TMEM231: variants seen among roughly 807,000 people sequenced by gnomAD.
TMEM231 encodes transmembrane protein 231.
In TMEM231, 40 loss-of-function variants were observed where a neutral mutation model predicts 38.5. That is an observed-to-expected ratio of 1.04 (90% CI 0.81 to 1.35). TMEM231 has a LOEUF of 1.35. Among genes scored for constraint, TMEM231 ranks in the 40% most tolerant of loss-of-function variants. TMEM231 has a pLI of 0.00. For missense variants in TMEM231, 420 were observed against 416.9 expected (o/e 1.01, Z -0.07); for synonymous variants, 199 against 181.7 (o/e 1.10, Z -0.77).
Position 75,539,760 on chromosome 16 carries a change from A to G in TMEM231, c.*234T>C, listed in dbSNP as rs1430409942. 2 of 389,898 alleles carry G rather than the reference A, an allele frequency of 5.1e-6. No homozygotes were observed. The highest frequency in any genetic ancestry group is 8.8e-5 in the Admixed American group (2 of 22,688). The allele number at this position is 389,898 out of a possible 1,614,324, so 24.2% of individuals were successfully genotyped here. A position where few individuals can be genotyped will look rare whatever the true frequency, so the allele number is the denominator to read the frequency against. ...GCAAAGAAGGAAAACCCAAAAAGCT[A>G]ATTATAGCCTCCAGGAACTCTCAGA... On this transcript the variant is annotated 3_prime_UTR_variant, in exon 7 of 7. Coordinates refer to ENST00000258173, the MANE Select transcript of TMEM231 (RefSeq NM_001077418.3).
At position 75,555,905 on chromosome 16, in the gene TMEM231, C is replaced by A; in HGVS notation, c.208G>T (p.Val70Leu). Residue 70 changes from valine (V) to leucine (L), a missense_variant, in exon 2 of 7, where the codon GTG becomes TTG. Coordinates refer to ENST00000258173, the MANE Select transcript of TMEM231 (RefSeq NM_001077418.3). ...TVRFQHQVLL[V>L]ALLGPESDGF... ...TCGCTTTCGGGTCCGAGCAGGGCCA[C>A]GAGCAGCACCTGGTGTTGGAAGCGC... 2 of 1,600,680 alleles carry A rather than the reference C, an allele frequency of 1.2e-6. No individual in the cohort carries two copies. Among genetic ancestry groups the A allele is most frequent in the Non-Finnish European group, 1.7e-6 (2 of 1,174,222 alleles).
chr16:75,554,298 C>G (rs1031742519), intron 2 of TMEM231, among the ~76,000 whole-genome samples: 4 of 152,140 alleles, frequency 2.6e-5, no homozygotes, highest in African/African-American at 9.7e-5. Context: ...GGCACAGTGG[C>G]TGACACCTAT....
intron 2 of TMEM231, 92 bp downstream of exon 2, chr16:75,555,712 A>C: frequency 7.5e-7 from 1 of 1,337,032 alleles, no homozygotes; most frequent in Non-Finnish European, 9.8e-7. Context: ...TGGGCTCCCC[A>C]GGGCCGGGGC....
Position 75,541,178 on chromosome 16 carries a change from T to TG in TMEM231, c.770+171_770+172insC, listed in dbSNP as rs2080622796. ...ACACATGTACGCCACTATGCCTGGC[T>TG]AATTTTTTTTTTTTTTTTTTTGGTA... On this transcript the variant is annotated intron_variant, in intron 6 of 6. Transcript: ENST00000258173. 2.4e-5 allele frequency among the ~76,000 whole-genome samples: 3 copies of TG among 125,996 alleles called. No individual in the cohort carries two copies. In the South Asian group the frequency reaches 8.0e-4, roughly 34 times the overall value. 82.7% of individuals were successfully genotyped at this position (125,996 alleles called of 152,430 possible).
chr16:75,539,919 A>C lies in TMEM231; in HGVS notation c.*75T>G. 1 of 1,371,462 alleles carries C rather than the reference A, an allele frequency of 7.3e-7. No individual in the cohort carries two copies. The highest frequency in any genetic ancestry group is 9.9e-7 in the Non-Finnish European group (1 of 1,013,492). The allele number at this position is 1,371,462 out of a possible 1,614,324, so 85.0% of individuals were successfully genotyped here. A position where few individuals can be genotyped will look rare whatever the true frequency, so the allele number is the denominator to read the frequency against. On this transcript the variant is annotated 3_prime_UTR_variant, in exon 7 of 7. Coordinates refer to ENST00000258173, the MANE Select transcript of TMEM231 (RefSeq NM_001077418.3). ...CCGCAGGTGTCCGCTGGGCTCTTTC[A>C]AAAGGTCCTAAGATGTTCCCAGAAG...
Position 75,540,096 on chromosome 16 carries a change from C to T in TMEM231, c.849G>A (p.Val283=), listed in dbSNP as rs1464375349. 1.2e-6 allele frequency: 2 copies of T among 1,613,898 alleles called. No homozygotes were observed. Among genetic ancestry groups the T allele is most frequent in the South Asian group, 2.2e-5 (2 of 91,052 alleles). Residue 283 remains valine, a synonymous_variant, in exon 7 of 7, where the codon GTG becomes GTA. Transcript: ENST00000258173. The part of the protein sequence containing the change: ...YVSILLIFLW[V]FERIKIFVFQ... ...ACACGAAGATCTTGATTCTTTCAAA[C>T]ACCCAGAGGAAGATAAGCAGGATGC...
At chr16:75,554,228 A>T (rs947028902) in intron 2 of TMEM231, among the ~76,000 whole-genome samples, 4 of 152,154 alleles carry the variant, frequency 2.6e-5, no homozygotes, top group African/African-American at 9.7e-5. Context: ...TCAAAATTTG[A>T]TGTTTAAAGG....
intron 2 of TMEM231, chr16:75,555,543 T>G: frequency 2.2e-6 from 1 of 448,056 alleles, no homozygotes; most frequent in Non-Finnish European, 3.9e-6. Flanking sequence ...GCCCCCACAC[T>G]TCTGGACTCT....
intron 6 of TMEM231, 80 bp from the exon 7 acceptor site, chr16:75,540,254 G>A: frequency 7.0e-7 from 1 of 1,419,022 alleles, no homozygotes; most frequent in Non-Finnish European, 9.4e-7. Flanking sequence ...CTGTGGCAGA[G>A]GTATCTCGAA....
intron 2 of TMEM231, among the ~76,000 whole-genome samples, chr16:75,546,686 G>A (rs971557531): frequency 1.3e-4 from 20 of 152,052 alleles, no homozygotes; most frequent in Non-Finnish European, 7.4e-5. Flanking sequence ...CGGGTGATCC[G>A]CCCACCTCAG....
At chr16:75,554,672 T>C (rs1466220611) in intron 2 of TMEM231, among the ~76,000 whole-genome samples, 1 of 152,056 alleles carries the variant, frequency 6.6e-6, no homozygotes, top group East Asian at 1.9e-4. Context: ...TTGATACATA[T>C]ACAAAACTGA....
At chr16:75,551,433 G>A (rs1009262166) in intron 2 of TMEM231, among the ~76,000 whole-genome samples, 1 of 151,668 alleles carries the variant, frequency 6.6e-6, no homozygotes, top group African/African-American at 2.4e-5. Context: ...AGCTCAAGGG[G>A]CTAGCCTCCC....
chr16:75,544,088 C>T (rs186227143), intron 4 of TMEM231, among the ~76,000 whole-genome samples: 50 of 152,336 alleles, frequency 3.3e-4, no homozygotes, highest in Admixed American at 5.2e-4. Flanking sequence ...CTTTAAGCCC[C>T]AGTTACGTCT....
At position 75,538,730 on chromosome 16, in the gene TMEM231, T is replaced by C. The variant is rs941508314; in HGVS notation, c.*1264A>G. 6.6e-6 allele frequency: 1 copy of C among 152,212 alleles called. No individual in the cohort carries two copies. The highest frequency in any genetic ancestry group is 1.5e-5 in the Non-Finnish European group (1 of 68,052). 9.4% of individuals were successfully genotyped at this position (152,212 alleles called of 1,614,324 possible). A position where few individuals can be genotyped will look rare whatever the true frequency, so the allele number is the denominator to read the frequency against. On this transcript the variant is annotated 3_prime_UTR_variant, in exon 7 of 7. Transcript: ENST00000258173. ...TGTCCTTCCAGTGGCAATGACCTGC[T>C]TGGGATCAGGAAGCAGCTCCATGTG...
rs1308884515 is a variant in TMEM231 at position 75,542,549 on chromosome 16, A to G, written c.664+53T>C. 1.5e-5 allele frequency: 22 copies of G among 1,490,516 alleles called. No individual in the cohort carries two copies. In the Admixed American group the frequency reaches 3.2e-4, roughly 22 times the overall value. 92.3% of individuals were successfully genotyped at this position (1,490,516 alleles called of 1,614,324 possible). The stretch of plus-strand genomic sequence containing the variant: ...AGTTCTGCTTGTCTCTGTTGCCCCC[A>G]CTAACCTTGAAAGTCCTGAGCAGCG... On this transcript the variant is annotated intron_variant, in intron 5 of 6. Coordinates refer to ENST00000258173, the MANE Select transcript of TMEM231 (RefSeq NM_001077418.3).
Position 75,555,834 on chromosome 16 carries a change from T to G in TMEM231, c.279A>C (p.Gln93His). The G allele has an allele frequency of 6.4e-7, 1 of 1,573,786 alleles. No homozygotes were observed. The highest frequency in any genetic ancestry group is 8.6e-7 in the Non-Finnish European group (1 of 1,159,918). Reference protein sequence around the residue: ...WSTFPAFNRLQGDRLRVPLVS... With the variant: ...WSTFPAFNRLHGDRLRVPLVS... The stretch of plus-strand genomic sequence containing the variant: ...CGAGCGGGACGCGCAGGCGATCCCC[T>G]TGCAGCCGGTTGAAGGCGGGGAACG... The change falls in exon 2 of 7, where the codon CAA (glutamine) becomes CAC (histidine). Residue 93 changes from glutamine (Q) to histidine (H), a missense_variant. Physicochemically the swap from Gln to His is conservative, Grantham distance 24 (BLOSUM62 0). Transcript: ENST00000258173.
Position 75,555,937 on chromosome 16 carries a change from G to A in TMEM231, c.176C>T (p.Pro59Leu). The change falls in exon 2 of 7, where the codon CCG (proline) becomes CTG (leucine). Residue 59 changes from proline to leucine, a missense_variant. Transcript: ENST00000258173. The stretch of plus-strand genomic sequence containing the variant: ...CACCTGGTGTTGGAAGCGCACGGTC[G>A]GCTGCTCCTCGTAGCTGCTCCGCTT... Reference protein sequence around the residue: ...WLKRSSYEEQPTVRFQHQVLL... With the variant: ...WLKRSSYEEQLTVRFQHQVLL... The A allele has an allele frequency of 6.2e-7, 1 of 1,604,572 alleles. No homozygotes were observed. The highest frequency in any genetic ancestry group is 8.5e-7 in the Non-Finnish European group (1 of 1,176,106).
chr16:75,548,405 G>A (rs2080718678), intron 2 of TMEM231, among the ~76,000 whole-genome samples: 1 of 152,086 alleles, frequency 6.6e-6, no homozygotes, highest in South Asian at 2.1e-4. Context: ...CGTACTTTTT[G>A]GAAACACGCC....
At chr16:75,552,710 A>G (rs780970182) in intron 2 of TMEM231, among the ~76,000 whole-genome samples, 12 of 152,188 alleles carry the variant, frequency 7.9e-5, no homozygotes, top group Non-Finnish European at 1.3e-4. Context: ...TTACACAGAA[A>G]TGATGCCCCT....
Sources: allele counts gnomAD v4.1 joint callset (sites outside exome capture counted in the v4.1 genomes callset), GRCh38; gene constraint gnomAD v4.1.1; transcripts MANE v1.5; gene names NCBI Gene and HGNC (gene_info 2026-07-23, HGNC 2026-07-21).